Variants in NRXN3 observed in about 807,000 individuals in gnomAD.
NRXN3 encodes neurexin III.
NRXN3 carries 32 observed loss-of-function variants against 137.6 expected under a neutral mutation model. The ratio of observed to expected loss-of-function variants is 0.23; its 90% CI spans 0.18 to 0.31. The LOEUF is 0.31. Ranked by LOEUF, NRXN3 falls within the 10% of genes least tolerant of loss-of-function variation. The probability of loss-of-function intolerance (pLI) is 1.00; values close to 1 mark genes in which losing one functional copy is unlikely to be tolerated. For synonymous variants in NRXN3, 798 were observed against 784.5 expected (o/e 1.02, Z -0.29); for missense variants, 1,574 against 2,062.5 (o/e 0.76, Z 4.59).
intron 10 of NRXN3, among the ~76,000 whole-genome samples, chr14:78,936,052 T>C (rs2099337515): frequency 6.6e-6 from 1 of 152,250 alleles, no homozygotes; most frequent in South Asian, 2.1e-4. Context: ...TAAATTCACC[T>C]TTCCCAAGAT....
chr14:79,566,354 C>A (rs1056493011), intron 16 of NRXN3, among the ~76,000 whole-genome samples: 1 of 152,028 alleles, frequency 6.6e-6, no homozygotes, highest in African/African-American at 2.4e-5. Flanking sequence ...TCCTTTGAGG[C>A]CCTACCTCCC....
intron 17 of NRXN3, among the ~76,000 whole-genome samples, chr14:79,667,416 A>G (rs1407978683): frequency 1.3e-5 from 2 of 152,018 alleles, no homozygotes; most frequent in Admixed American, 1.3e-4. Context: ...CAAGGTCTGA[A>G]TGAGTCAGCT....
At chr14:78,827,579 G>T (rs1178038393) in intron 10 of NRXN3, among the ~76,000 whole-genome samples, 1 of 152,228 alleles carries the variant, frequency 6.6e-6, no homozygotes, top group Non-Finnish European at 1.5e-5. Flanking sequence ...ACTTGCTGAG[G>T]CCATAATAAC....
intron 8 of NRXN3, among the ~76,000 whole-genome samples, chr14:78,771,917 A>AT (rs2098729427): frequency 6.6e-6 from 1 of 152,188 alleles, no homozygotes; most frequent in African/African-American, 2.4e-5. Context: ...CAGATTTTGG[A>AT]TTTTTTTGGG....
chr14:79,760,141 A>G (rs948322061), intron 19 of NRXN3, among the ~76,000 whole-genome samples: 1 of 151,674 alleles, frequency 6.6e-6, no homozygotes, highest in African/African-American at 2.4e-5. Flanking sequence ...TGTCCAAGGT[A>G]AAAAAGACAA....
At chr14:78,182,379 G>A (rs961447675) in intron 1 of NRXN3, among the ~76,000 whole-genome samples, 7 of 152,058 alleles carry the variant, frequency 4.6e-5, no homozygotes, top group Admixed American at 1.3e-4. Flanking sequence ...ACAGATGGGG[G>A]TCAGAAAAAA....
chr14:79,545,627 A>G (rs534124183), intron 16 of NRXN3, among the ~76,000 whole-genome samples: 54 of 151,622 alleles, frequency 3.6e-4, no homozygotes, highest in Admixed American at 1.8e-3. Flanking sequence ...GGGGAGGTAC[A>G]TTATTCTGCC....
chr14:78,530,732 A>G (rs1164909944), intron 4 of NRXN3, among the ~76,000 whole-genome samples: 2 of 152,234 alleles, frequency 1.3e-5, no homozygotes, highest in Non-Finnish European at 1.5e-5. Context: ...AGATTTTTCT[A>G]GTGGAACATA....
intron 1 of NRXN3, among the ~76,000 whole-genome samples, chr14:78,232,453 T>C (rs921703053): frequency 3.3e-5 from 5 of 151,766 alleles, no homozygotes; most frequent in Admixed American, 2.0e-4. Flanking sequence ...TTGATTTTTT[T>C]CCCCCTCTTT....
intron 8 of NRXN3, among the ~76,000 whole-genome samples, chr14:78,798,580 C>T (rs1258363077): frequency 6.6e-6 from 1 of 152,196 alleles, no homozygotes; most frequent in Non-Finnish European, 1.5e-5. Flanking sequence ...TGGCCTTCTT[C>T]TCACGGCTCC....
At chr14:78,383,203 G>A (rs1008438077) in intron 4 of NRXN3, among the ~76,000 whole-genome samples, 30 of 152,272 alleles carry the variant, frequency 2.0e-4, no homozygotes, top group Non-Finnish European at 1.3e-4. Flanking sequence ...AACTCGGAAT[G>A]ACTGGAGGCC....
At chr14:79,440,827 A>G (rs1444363164) in intron 15 of NRXN3, among the ~76,000 whole-genome samples, 1 of 152,126 alleles carries the variant, frequency 6.6e-6, no homozygotes, top group African/African-American at 2.4e-5. Context: ...TATTGGGTAA[A>G]TTAGGCACCA....
chr14:79,298,624 C>T (rs1189395542), intron 15 of NRXN3, among the ~76,000 whole-genome samples: 1 of 152,066 alleles, frequency 6.6e-6, no homozygotes, highest in Non-Finnish European at 1.5e-5. Context: ...GTAATCTCAT[C>T]AGAGACTACA....
chr14:79,740,728 A>T (rs1379823878), intron 19 of NRXN3, among the ~76,000 whole-genome samples: 1 of 28,066 alleles, frequency 3.6e-5, no homozygotes, highest in African/African-American at 1.4e-4. Context: ...ATATATATAT[A>T]TATATATATA....
At chr14:78,494,999 A>C (rs1452447093) in intron 4 of NRXN3, among the ~76,000 whole-genome samples, 1 of 151,962 alleles carries the variant, frequency 6.6e-6, no homozygotes, top group African/African-American at 2.4e-5. Context: ...GGAATATGGA[A>C]GTGTTTGCCT....
At chr14:79,818,726 A>T (rs778889475) in intron 20 of NRXN3, among the ~76,000 whole-genome samples, 1 of 152,210 alleles carries the variant, frequency 6.6e-6, no homozygotes, top group Admixed American at 6.5e-5. Context: ...AAACACACAC[A>T]CACTTTTTGT....
chr14:78,270,666 T>G (rs1420776494), intron 2 of NRXN3, among the ~76,000 whole-genome samples: 1 of 152,222 alleles, frequency 6.6e-6, no homozygotes, highest in African/African-American at 2.4e-5. Context: ...GAAACAGTAA[T>G]AATTTCAATA....
In NRXN3 at chr14:79,864,119, A is replaced by T. The variant is rs558531500; in HGVS notation, c.*2155A>T. The T allele has an allele frequency of 2.0e-5, 3 of 152,588 alleles. No individual in the cohort carries two copies. The highest frequency in any genetic ancestry group is 4.4e-5 in the Non-Finnish European group (3 of 68,024). The allele number at this position is 152,588 out of a possible 1,614,324, so 9.5% of individuals were successfully genotyped here. ...GATTATATCTCGATGTCTGTAAAAG[A>T]TTGCTGTTCTTGGAGTCTTGAGGTC... On this transcript the variant is annotated 3_prime_UTR_variant, in exon 21 of 21. Transcript: ENST00000335750.
intron 15 of NRXN3, among the ~76,000 whole-genome samples, chr14:79,131,419 C>G (rs561530515): frequency 6.6e-6 from 1 of 152,034 alleles, no homozygotes; most frequent in South Asian, 2.1e-4. Flanking sequence ...AGCTGCAGGT[C>G]TGTTGGAGTA....
Sources: gnomAD v4.1 joint callset for allele counts (sites outside exome capture counted in the v4.1 genomes callset) on GRCh38, gnomAD v4.1.1 for gene constraint, MANE v1.5 for transcripts, NCBI Gene and HGNC (gene_info 2026-07-23, HGNC 2026-07-21) for gene names.